Variants in TXNDC5 observed in about 807,000 individuals in gnomAD.
The protein encoded by TXNDC5 is thioredoxin domain containing 5.
In TXNDC5, 44 loss-of-function variants were observed where a neutral mutation model predicts 52.6. The observed-to-expected ratio is 0.84, with a 90% CI of 0.66 to 1.08. The LOEUF (loss-of-function observed/expected upper bound fraction) is 1.08, where lower values mean the gene tolerates loss of function less well. Ranked by LOEUF, TXNDC5 falls within the 50% of genes least tolerant of loss-of-function variation. The probability of loss-of-function intolerance (pLI) is 0.00; values close to 1 mark genes in which losing one functional copy is unlikely to be tolerated. For missense variants in TXNDC5, 600 were observed against 565.5 expected (o/e 1.06, Z -0.62); for synonymous variants, 241 against 234.4 (o/e 1.03, Z -0.26).
At chr6:7,907,889 G>A (rs1237891220) in intron 1 of TXNDC5, among the ~76,000 whole-genome samples, 2 of 152,176 alleles carry the variant, frequency 1.3e-5, no homozygotes, top group South Asian at 4.1e-4. Context: ...CCCTACTGCA[G>A]TATCTGCAGT....
In TXNDC5 at chr6:7,910,519, C is replaced by T. The variant is rs758017006; in HGVS notation, c.258G>A (p.Ala86=). The part of the protein sequence containing the change: ...QSAAHFVMFF[A]PWCGHCQRLQ... ...GCCGGCCTGCGCGGCGTTACCAGGG[C>T]GCGAAGAACATGACGAAGTGCGCGG... Residue 86 remains alanine (A), a synonymous_variant, in exon 1 of 10, where the codon GCG becomes GCA. Coordinates refer to ENST00000379757, the MANE Select transcript of TXNDC5 (RefSeq NM_030810.5). 1.4e-6 allele frequency: 2 copies of T among 1,441,942 alleles called. No homozygotes were observed. Among genetic ancestry groups the T allele is most frequent in the Non-Finnish European group, 9.2e-7 (1 of 1,086,258 alleles). 89.3% of individuals were successfully genotyped at this position (1,441,942 alleles called of 1,614,324 possible). A position where few individuals can be genotyped will look rare whatever the true frequency, so the allele number is the denominator to read the frequency against.
chr6:7,890,528 A>G, intron 5 of TXNDC5, among the ~76,000 whole-genome samples: 1 of 152,218 alleles, frequency 6.6e-6, no homozygotes, highest in East Asian at 1.9e-4. Flanking sequence ...TAAACCTAAA[A>G]GAATCTCCCA....
At chr6:7,885,366 T>G (rs1423008962) in intron 8 of TXNDC5, among the ~76,000 whole-genome samples, 2 of 152,204 alleles carry the variant, frequency 1.3e-5, no homozygotes, top group Admixed American at 6.5e-5. Context: ...TTAAAGGACA[T>G]CCAAGTTTAC....
At chr6:7,890,732 C>T (rs1170151633) in intron 5 of TXNDC5, among the ~76,000 whole-genome samples, 1 of 152,148 alleles carries the variant, frequency 6.6e-6, no homozygotes, top group East Asian at 1.9e-4. Flanking sequence ...AAAGTGATTA[C>T]AATTTACCAA....
chr6:7,894,846 G>A, intron 4 of TXNDC5: 1 of 985,412 alleles, frequency 1.0e-6, no homozygotes, highest in Non-Finnish European at 1.2e-6. Context: ...TCTTAGCCAA[G>A]GATGCACTGT....
At position 7,895,087 on chromosome 6, in the gene TXNDC5, A is replaced by G. The variant is rs191689737; in HGVS notation, c.616+19T>C. 4 of 1,611,710 alleles carry G rather than the reference A, an allele frequency of 2.5e-6. No individual in the cohort carries two copies. Among genetic ancestry groups the G allele is most frequent in the Non-Finnish European group, 3.4e-6 (4 of 1,178,680 alleles). Reference sequence around the variant, plus strand: ...ATAATAGTGATTCTCTGAAGCTGGCATCAGGACGTCCCCCTTACCTTGTGC... The same window carrying G: ...ATAATAGTGATTCTCTGAAGCTGGCGTCAGGACGTCCCCCTTACCTTGTGC... On this transcript the variant is annotated intron_variant, in intron 4 of 9. Transcript: ENST00000379757.
chr6:7,900,726 C>T (rs75073391), intron 2 of TXNDC5, among the ~76,000 whole-genome samples: 2,825 of 152,244 alleles, frequency 0.019, 91 homozygotes, highest in African/African-American at 0.063. Flanking sequence ...CCAGCAGAGT[C>T]AGTGTCTGGT....
At chr6:7,886,968 C>A (rs1760003388) in intron 7 of TXNDC5, among the ~76,000 whole-genome samples, 1 of 152,174 alleles carries the variant, frequency 6.6e-6, no homozygotes, top group Non-Finnish European at 1.5e-5. Flanking sequence ...AGAAATGGTG[C>A]TGCGATGAAA....
chr6:7,905,801 A>C (rs1760711693), intron 1 of TXNDC5, among the ~76,000 whole-genome samples: 1 of 152,200 alleles, frequency 6.6e-6, no homozygotes. Context: ...CAATGTAACC[A>C]CTTTGCTGTA....
chr6:7,895,286 A>G (rs955891521), intron 3 of TXNDC5, 84 bp from the exon 4 acceptor site: 23 of 1,283,242 alleles, frequency 1.8e-5, no homozygotes, highest in Admixed American at 6.8e-5. Flanking sequence ...TCTGTGGGGA[A>G]CCGCCTGCAG....
chr6:7,909,904 G>A, intron 1 of TXNDC5: 2 of 986,084 alleles, frequency 2.0e-6, no homozygotes, highest in Non-Finnish European at 2.4e-6. Context: ...GCAGCAGCAA[G>A]GCCGCTCTGG....
At chr6:7,905,580 A>G (rs546661140) in intron 1 of TXNDC5, among the ~76,000 whole-genome samples, 24 of 152,344 alleles carry the variant, frequency 1.6e-4, no homozygotes, top group African/African-American at 5.5e-4. Context: ...TTTCATGAGG[A>G]TATCAGCATC....
Position 7,889,143 on chromosome 6 carries a change from A to G in TXNDC5, c.820-295T>C, listed in dbSNP as rs1253945515. On this transcript the variant is annotated intron_variant, in intron 6 of 9. Transcript: ENST00000379757. ...GATGGGGAACTCTGAGCTGCTGACC[A>G]TCGGCCAGGGAAGGAGGGAGGGAGG... The G allele has an allele frequency of 2.9e-5, 13 of 453,998 alleles. No individual in the cohort carries two copies. In the Admixed American group the frequency reaches 5.0e-4, roughly 18 times the overall value. The allele number at this position is 453,998 out of a possible 1,614,324, so 28.1% of individuals were successfully genotyped here. A position where few individuals can be genotyped will look rare whatever the true frequency, so the allele number is the denominator to read the frequency against.
intron 2 of TXNDC5, among the ~76,000 whole-genome samples, chr6:7,904,044 G>A (rs1657560589): frequency 6.6e-6 from 1 of 152,156 alleles, no homozygotes; most frequent in South Asian, 2.1e-4. Context: ...CTTTTAAATA[G>A]TCCTTTCTTT....
intron 2 of TXNDC5, 23 bp from the exon 3 acceptor site, chr6:7,899,704 G>A (rs1401788928): frequency 6.3e-7 from 1 of 1,592,088 alleles, no homozygotes. Context: ...CAAAGGATTA[G>A]ACAGAGCAAA....
chr6:7,903,681 C>T (rs1316128734), intron 2 of TXNDC5, among the ~76,000 whole-genome samples: 2 of 152,170 alleles, frequency 1.3e-5, no homozygotes, highest in African/African-American at 4.8e-5. Context: ...TTCAATTAAG[C>T]AATAAATTGT....
rs771837160 is a variant in TXNDC5, at chr6:7,883,195, G to T, written c.1248C>A (p.Asp416Glu). The part of the protein sequence containing the change: ...KKVSEHSGGR[D>E]LDSLHRFVLS... ...GGACAAAGCGGTGTAACGAGTCAAGGTCTCTGCCTCCACTGTGCTCACTGA... is the reference window on the plus strand; with the variant it reads ...GGACAAAGCGGTGTAACGAGTCAAGTTCTCTGCCTCCACTGTGCTCACTGA... Residue 416 changes from aspartate to glutamate, a missense_variant, in exon 10 of 10, where the codon GAC (aspartate) becomes GAA (glutamate). Asp to Glu is a conservative substitution (Grantham distance 45). Coordinates refer to ENST00000379757, the MANE Select transcript of TXNDC5 (RefSeq NM_030810.5). 2 of 1,614,184 alleles carry T rather than the reference G, an allele frequency of 1.2e-6. No individual in the cohort carries two copies. Among genetic ancestry groups the T allele is most frequent in the Non-Finnish European group, 1.7e-6 (2 of 1,180,032 alleles).
intron 1 of TXNDC5, chr6:7,910,155 C>G (rs999636085): frequency 3.0e-6 from 3 of 988,950 alleles, no homozygotes; most frequent in Non-Finnish European, 3.6e-6. Context: ...GCCCCGGCCG[C>G]CGAGCGCCAC....
chr6:7,899,542 AG>A, intron 3 of TXNDC5, 33 bp downstream of exon 3: 1 of 1,159,054 alleles, frequency 8.6e-7, no homozygotes. Context: ...AGAGGGAGGG[AG>A]GGAGGGAGGG....
Sources: gnomAD v4.1 joint callset for allele counts (sites outside exome capture counted in the v4.1 genomes callset) on GRCh38, gnomAD v4.1.1 for gene constraint, MANE v1.5 for transcripts, NCBI Gene and HGNC (gene_info 2026-07-23, HGNC 2026-07-21) for gene names.